Variants in GPATCH8 observed in about 807,000 individuals in gnomAD.
The protein encoded by GPATCH8 is G patch domain-containing protein 8.
Under a neutral mutation model 118.3 loss-of-function variants are expected in GPATCH8, and 18 were observed. The observed-to-expected ratio is 0.15, with a 90% CI of 0.11 to 0.23. GPATCH8 has a LOEUF of 0.23. GPATCH8 is among the 10% of genes least tolerant of loss of function. GPATCH8 has a pLI of 1.00. For synonymous variants in GPATCH8, 659 were observed against 684.7 expected, an observed-to-expected ratio of 0.96 and a Z score of 0.59; for missense variants, 1,631 against 1,873.8, an observed-to-expected ratio of 0.87 and a Z score of 2.39.
At chr17:44,417,884 T>C (rs1490458332) in intron 6 of GPATCH8, among the ~76,000 whole-genome samples, 1 of 152,210 alleles carries the variant, frequency 6.6e-6, no homozygotes, top group Non-Finnish European at 1.5e-5. Context: ...TGTTGTCTGA[T>C]AATTTTAATT....
chr17:44,476,226 A>G (rs929756329), intron 1 of GPATCH8, among the ~76,000 whole-genome samples: 1 of 150,986 alleles, frequency 6.6e-6, no homozygotes, highest in Non-Finnish European at 1.5e-5. Flanking sequence ...TTTTTTTGAG[A>G]CAAAGTCTCA....
At chr17:44,438,154 C>T (rs564682615) in intron 3 of GPATCH8, among the ~76,000 whole-genome samples, 1 of 152,094 alleles carries the variant, frequency 6.6e-6, no homozygotes, top group Non-Finnish European at 1.5e-5. Flanking sequence ...ACTTTCATAA[C>T]GTCTCAGTCA....
intron 1 of GPATCH8, among the ~76,000 whole-genome samples, chr17:44,487,583 C>T (rs577157149): frequency 2.6e-5 from 4 of 152,298 alleles, no homozygotes; most frequent in African/African-American, 9.6e-5. Context: ...AACTGCCAAA[C>T]TGTCTTGTCT....
intron 5 of GPATCH8, among the ~76,000 whole-genome samples, chr17:44,424,830 T>C (rs1483478779): frequency 1.3e-5 from 2 of 152,242 alleles, no homozygotes; most frequent in African/African-American, 4.8e-5. Context: ...CCTGTATTAA[T>C]AGTCTAGTTT....
chr17:44,478,842 A>C (rs543341530), intron 1 of GPATCH8, among the ~76,000 whole-genome samples: 6 of 151,746 alleles, frequency 4.0e-5, no homozygotes, highest in Non-Finnish European at 8.8e-5. Flanking sequence ...GGGCTCAAGT[A>C]ATCCTCCCAC....
chr17:44,493,508 C>T (rs1442721628), intron 1 of GPATCH8, among the ~76,000 whole-genome samples: 1 of 151,982 alleles, frequency 6.6e-6, no homozygotes, highest in African/African-American at 2.4e-5. Context: ...GAGATAATAC[C>T]AACACTTTAC....
chr17:44,463,676 G>A (rs889673394), intron 3 of GPATCH8, among the ~76,000 whole-genome samples: 2 of 152,196 alleles, frequency 1.3e-5, no homozygotes, highest in African/African-American at 4.8e-5. Context: ...CACCGCGCCC[G>A]GCCAATTCCC....
rs749999615 is a variant in GPATCH8 at position 44,398,869 on chromosome 17, T to A, written c.3208A>T (p.Ile1070Phe). 5.6e-6 allele frequency: 9 copies of A among 1,614,008 alleles called. No homozygotes were observed. In the South Asian group the frequency reaches 9.9e-5, roughly 18 times the overall value. ...CCTTCTGACCCTCTTCCTGTGCCAATGTTGCTGTTCTGGGAAGGTGGACCT... is the reference window on the plus strand; with the variant it reads ...CCTTCTGACCCTCTTCCTGTGCCAAAGTTGCTGTTCTGGGAAGGTGGACCT... ...ATGPPSQNSN[I>F]GTGRGSEGDC... The change falls in exon 8 of 8, where the codon ATT (isoleucine) becomes TTT (phenylalanine). Residue 1070 changes from isoleucine to phenylalanine, a missense_variant. Transcript: ENST00000591680.
chr17:44,447,889 G>T (rs2050945915), intron 3 of GPATCH8, among the ~76,000 whole-genome samples: 1 of 152,094 alleles, frequency 6.6e-6, no homozygotes, highest in Non-Finnish European at 1.5e-5. Context: ...AACGCTCAAG[G>T]GTTCAGAAAA....
At chr17:44,483,176 A>AATAT (rs1163758356) in intron 1 of GPATCH8, among the ~76,000 whole-genome samples, 82 of 12,902 alleles carry the variant, frequency 6.4e-3, no homozygotes, top group East Asian at 0.011. Flanking sequence ...AAAAAAAAAA[A>AATAT]ATATATATAT....
intron 4 of GPATCH8, among the ~76,000 whole-genome samples, 162 bp from the exon 5 acceptor site, chr17:44,435,313 A>C (rs2050460929): frequency 2.0e-5 from 3 of 152,036 alleles, no homozygotes; most frequent in Middle Eastern, 3.4e-3. Flanking sequence ...AGAAAATCAC[A>C]TGCAAAATAG....
chr17:44,491,919 A>G (rs911075206), intron 1 of GPATCH8, among the ~76,000 whole-genome samples: 1 of 152,204 alleles, frequency 6.6e-6, no homozygotes, highest in African/African-American at 2.4e-5. Context: ...ATTTAAAAAG[A>G]AAATGTCCCA....
At position 44,428,047 on chromosome 17, in the gene GPATCH8, C is replaced by T. The variant is rs1302440365; in HGVS notation, c.349-3555G>A. ...CTGTAATTCCAGCACTTTGGGAGGC[C>T]GAGGCAGGCGGATTACCTGAGCTCA... On this transcript the variant is annotated intron_variant, in intron 5 of 7. Coordinates refer to ENST00000591680, the MANE Select transcript of GPATCH8 (RefSeq NM_001002909.4). Among the ~76,000 whole-genome samples, 7 of 151,762 alleles carry T rather than the reference C, an allele frequency of 4.6e-5. No homozygotes were observed. In the South Asian group the frequency reaches 6.3e-4, roughly 14 times the overall value.
At chr17:44,480,889 C>CA (rs980442786) in intron 1 of GPATCH8, among the ~76,000 whole-genome samples, 89 of 150,046 alleles carry the variant, frequency 5.9e-4, no homozygotes, top group Non-Finnish European at 9.8e-4. Flanking sequence ...AAAACAAAAA[C>CA]AAAAAAAAAC....
At chr17:44,491,530 A>C (rs969703367) in intron 1 of GPATCH8, among the ~76,000 whole-genome samples, 4 of 152,050 alleles carry the variant, frequency 2.6e-5, no homozygotes, top group African/African-American at 9.7e-5. Flanking sequence ...TCTTTGAAAA[A>C]CATTTTTAAA....
chr17:44,474,697 A>G, intron 2 of GPATCH8, 132 bp downstream of exon 2: 1 of 706,838 alleles, frequency 1.4e-6, no homozygotes, highest in Non-Finnish European at 2.6e-6. Context: ...TGATTACTGT[A>G]TGGCATGCAA....
At chr17:44,461,024 G>A (rs919117990) in intron 3 of GPATCH8, among the ~76,000 whole-genome samples, 2 of 152,102 alleles carry the variant, frequency 1.3e-5, no homozygotes, top group African/African-American at 4.8e-5. Flanking sequence ...ACAGAATAAG[G>A]CTCCATTCTT....
At chr17:44,405,091 A>G (rs1259026658) in intron 7 of GPATCH8, among the ~76,000 whole-genome samples, 1 of 152,194 alleles carries the variant, frequency 6.6e-6, no homozygotes, top group South Asian at 2.1e-4. Flanking sequence ...GAGATGATGG[A>G]TATGGTAATT....
intron 3 of GPATCH8, among the ~76,000 whole-genome samples, chr17:44,452,430 A>G (rs1393647417): frequency 6.6e-6 from 1 of 152,156 alleles, no homozygotes; most frequent in Non-Finnish European, 1.5e-5. Context: ...TTAATAAATG[A>G]TGGCTATTAT....
Sources: allele counts gnomAD v4.1 joint callset (sites outside exome capture counted in the v4.1 genomes callset), GRCh38; gene constraint gnomAD v4.1.1; transcripts MANE v1.5; gene names NCBI Gene and HGNC (gene_info 2026-07-23, HGNC 2026-07-21).